The following MYO3B variants were observed in gnomAD, a reference collection of about 807,000 sequenced individuals.
MYO3B encodes the protein myosin-IIIb.
In MYO3B, 156 loss-of-function variants were observed where a neutral mutation model predicts 174.6. The ratio of observed to expected loss-of-function variants is 0.89; its 90% CI spans 0.78 to 1.02. The LOEUF (loss-of-function observed/expected upper bound fraction) is 1.02, where lower values mean the gene tolerates loss of function less well. Ranked by LOEUF, MYO3B falls within the 50% of genes least tolerant of loss-of-function variation. The pLI is 0.00. For synonymous variants in MYO3B, 563 were observed against 569.1 expected, an observed-to-expected ratio of 0.99 and a Z score of 0.15; for missense variants, 1,632 against 1,639.4, an observed-to-expected ratio of 1.00 and a Z score of 0.08.
intron 6 of MYO3B, among the ~76,000 whole-genome samples, chr2:170,222,596 T>C (rs2092913032): frequency 6.6e-6 from 1 of 152,162 alleles, no homozygotes; most frequent in Admixed American, 6.5e-5. Flanking sequence ...TCTCTGTGTG[T>C]CTTCACATGT....
At chr2:170,215,147 T>C (rs2092814024) in intron 5 of MYO3B, among the ~76,000 whole-genome samples, 1 of 152,254 alleles carries the variant, frequency 6.6e-6, no homozygotes, top group African/African-American at 2.4e-5. Context: ...AATTTACATT[T>C]TGTCATTTCT....
chr2:170,236,055 G>A lies in MYO3B; in HGVS notation c.668G>A (p.Gly223Glu), dbSNP rs1179924301. 6.2e-7 allele frequency: 1 copy of A among 1,613,920 alleles called. No homozygotes were observed. The highest frequency in any genetic ancestry group is 1.1e-5 in the South Asian group (1 of 90,998). ...GCTCGCTGTGACGTCTGGTCCTTGG[G>A]GATCACAGCTATTGAACTGGGGGAT... ...YDARCDVWSL[G>E]ITAIELGDGD... Residue 223 changes from glycine (G) to glutamate (E), a missense_variant, in exon 7 of 35, where the codon GGG becomes GAG. By Grantham distance (98) the Gly-to-Glu change is moderately conservative. Transcript: ENST00000408978.
At chr2:170,512,607 G>A (rs1688050844) in intron 28 of MYO3B, among the ~76,000 whole-genome samples, 2 of 152,172 alleles carry the variant, frequency 1.3e-5, no homozygotes, top group South Asian at 4.1e-4. Flanking sequence ...CTTTGGGTGG[G>A]TCACTAAATG....
At chr2:170,621,094 G>T (rs373267016) in intron 32 of MYO3B, among the ~76,000 whole-genome samples, 4 of 152,060 alleles carry the variant, frequency 2.6e-5, no homozygotes, top group South Asian at 4.2e-4. Flanking sequence ...TCACCATCTC[G>T]GCCAGGCTGG....
chr2:170,515,831 T>C (rs1044714919), intron 29 of MYO3B, among the ~76,000 whole-genome samples: 1 of 152,078 alleles, frequency 6.6e-6, no homozygotes, highest in African/African-American at 2.4e-5. Context: ...TCACTCAGTC[T>C]GTTTCAAGGA....
intron 23 of MYO3B, among the ~76,000 whole-genome samples, chr2:170,449,100 G>A (rs189291481): frequency 6.6e-6 from 1 of 152,270 alleles, no homozygotes; most frequent in Non-Finnish European, 1.5e-5. Context: ...AGGTCCTAAG[G>A]TAACTTGGTG....
Position 170,369,355 on chromosome 2 carries a change from C to T in MYO3B, c.949C>T (p.Gln317Ter). Residue 317 changes from glutamine (Q) to a stop codon, truncating the protein, a stop_gained, in exon 9 of 35, where the codon CAA (glutamine) becomes TAA (stop). Transcript: ENST00000408978. LOFTEE classifies it high-confidence loss of function. ...LAKVLQDQKH[Q>*]NPVAKTRHER... is the part of the protein sequence containing the mutation. ...CAAGGTTCTCCAAGACCAGAAGCAT[C>T]AAAATCCTGTTGCTAAAACCAGGTA... is the stretch of plus-strand genomic sequence containing the variant. 6.2e-7 allele frequency: 1 copy of T among 1,613,250 alleles called. No homozygotes were observed. The highest frequency in any genetic ancestry group is 1.3e-5 in the African/African-American group (1 of 75,038).
At chr2:170,380,640 A>AT (rs2094328552) in intron 9 of MYO3B, among the ~76,000 whole-genome samples, 1 of 152,222 alleles carries the variant, frequency 6.6e-6, no homozygotes, top group Admixed American at 6.5e-5. Context: ...TTAAAGAGCT[A>AT]TATTTTAGTA....
At chr2:170,637,843 C>T (rs936984349) in intron 32 of MYO3B, among the ~76,000 whole-genome samples, 10 of 152,188 alleles carry the variant, frequency 6.6e-5, no homozygotes, top group Admixed American at 2.0e-4. Flanking sequence ...TTCCAAAATT[C>T]GGCACAAATT....
chr2:170,364,472 G>C (rs537025341), intron 8 of MYO3B, among the ~76,000 whole-genome samples: 2 of 152,060 alleles, frequency 1.3e-5, no homozygotes, highest in Non-Finnish European at 2.9e-5. Flanking sequence ...ATGTTGGCTG[G>C]CCCCCAATCC....
Position 170,488,584 on chromosome 2 carries a change from TATAATC to T in MYO3B, c.3015-10006_3015-10001del, listed in dbSNP as rs72027640. ...CGTTATGAGGGAACTAGGCAGATGT[TATAATC>T]AGTTCAAAGGAAGAGTCAAAGTAGC... is the stretch of plus-strand genomic sequence containing the variant. On this transcript the variant is annotated intron_variant, in intron 25 of 34. Transcript: ENST00000408978. Among the ~76,000 whole-genome samples the T allele has an allele frequency of 9.5e-3, 1,454 of 152,342 alleles. 13 individuals carry two copies. Among genetic ancestry groups the T allele is most frequent in the African/African-American group, 0.032 (1,319 of 41,564 alleles).
At chr2:170,314,176 A>G (rs940605685) in intron 7 of MYO3B, among the ~76,000 whole-genome samples, 4 of 152,114 alleles carry the variant, frequency 2.6e-5, no homozygotes, top group Non-Finnish European at 2.9e-5. Flanking sequence ...CTGTGGCCAA[A>G]TTCTGCCAAG....
At chr2:170,399,473 C>CAA (rs11296778) in intron 16 of MYO3B, among the ~76,000 whole-genome samples, 4 of 123,642 alleles carry the variant, frequency 3.2e-5, no homozygotes, top group African/African-American at 1.1e-4. Flanking sequence ...GACTCTATCT[C>CAA]AAAAAAAAAA....
At chr2:170,601,757 C>G in intron 32 of MYO3B, 2 of 1,418,456 alleles carry the variant, frequency 1.4e-6, no homozygotes, top group Non-Finnish European at 2.0e-6. Flanking sequence ...GTAGCTGTAT[C>G]CTTTTTGTAT....
At chr2:170,641,912 A>C (rs1169861474) in intron 32 of MYO3B, among the ~76,000 whole-genome samples, 1 of 145,228 alleles carries the variant, frequency 6.9e-6, no homozygotes, top group South Asian at 2.1e-4. Flanking sequence ...TGAATGAATG[A>C]ATTTTTTAGT....
intron 32 of MYO3B, among the ~76,000 whole-genome samples, chr2:170,590,817 A>T (rs1164861979): frequency 6.6e-6 from 1 of 152,152 alleles, no homozygotes; most frequent in African/African-American, 2.4e-5. Context: ...CATGGGTCGT[A>T]GTATTCACAG....
At chr2:170,377,109 A>AT (rs2094299479) in intron 9 of MYO3B, among the ~76,000 whole-genome samples, 1 of 152,248 alleles carries the variant, frequency 6.6e-6, no homozygotes. Flanking sequence ...TTTGGGCAAA[A>AT]TATGTTTGTC....
intron 32 of MYO3B, among the ~76,000 whole-genome samples, chr2:170,593,531 G>T (rs1317754574): frequency 1.3e-5 from 2 of 152,196 alleles, no homozygotes; most frequent in Non-Finnish European, 2.9e-5. Flanking sequence ...GCACAGAAAA[G>T]CTACATCACC....
intron 3 of MYO3B, among the ~76,000 whole-genome samples, chr2:170,202,534 A>G (rs1314970076): frequency 1.3e-5 from 2 of 152,220 alleles, no homozygotes; most frequent in African/African-American, 2.4e-5. Flanking sequence ...TAACATGCCT[A>G]TGGTCACATA....
Sources: gnomAD v4.1 joint callset for allele counts (sites outside exome capture counted in the v4.1 genomes callset) on GRCh38, gnomAD v4.1.1 for gene constraint, MANE v1.5 for transcripts, NCBI Gene and HGNC (gene_info 2026-07-23, HGNC 2026-07-21) for gene names.